DLGAP2: variants seen among roughly 807,000 people sequenced by gnomAD.
The protein encoded by DLGAP2 is disks large-associated protein 2.
DLGAP2 carries 26 observed loss-of-function variants against 100.3 expected under a neutral mutation model. The observed-to-expected ratio is 0.26, with a 90% confidence interval of 0.19 to 0.36. The LOEUF (loss-of-function observed/expected upper bound fraction) is 0.36. Among genes scored for constraint, DLGAP2 ranks in the 10% least tolerant of loss-of-function variants. The pLI is 1.00. For synonymous variants in DLGAP2, 886 were observed against 630.1 expected, an observed-to-expected ratio of 1.41 and a Z score of -6.08; for missense variants, 1,858 against 1,453.2, an observed-to-expected ratio of 1.28 and a Z score of -4.53.
chr8:1,050,838 C>T (rs1802657539), intron 2 of DLGAP2, among the ~76,000 whole-genome samples: 1 of 152,076 alleles, frequency 6.6e-6, no homozygotes. Context: ...GAATTTTTTA[C>T]GTGCTTCCCC....
At chr8:1,697,866 C>T (rs965092312) in intron 14 of DLGAP2, among the ~76,000 whole-genome samples, 2 of 152,212 alleles carry the variant, frequency 1.3e-5, no homozygotes, top group African/African-American at 4.8e-5. Context: ...AATCTGAACC[C>T]TGGCATTTCA....
At chr8:1,412,210 C>T (rs895605382) in intron 3 of DLGAP2, among the ~76,000 whole-genome samples, 1 of 152,180 alleles carries the variant, frequency 6.6e-6, no homozygotes, top group Non-Finnish European at 1.5e-5. Context: ...AGCACTGGGA[C>T]TTTTATGCTG....
At chr8:884,329 C>T (rs1487287230) in intron 1 of DLGAP2, among the ~76,000 whole-genome samples, 3 of 152,148 alleles carry the variant, frequency 2.0e-5, no homozygotes, top group African/African-American at 7.2e-5. Context: ...TAATAATTGC[C>T]ATTCTGACTG....
At chr8:1,180,670 G>C (rs1244858772) in intron 2 of DLGAP2, among the ~76,000 whole-genome samples, 4 of 149,978 alleles carry the variant, frequency 2.7e-5, no homozygotes, top group Admixed American at 6.6e-5. Flanking sequence ...CCGTCGACTG[G>C]GTGTGCCAGG....
chr8:1,478,891 C>T (rs368487479), intron 3 of DLGAP2, among the ~76,000 whole-genome samples: 32 of 152,320 alleles, frequency 2.1e-4, no homozygotes, highest in South Asian at 6.2e-4. Flanking sequence ...GAATGAGTCA[C>T]GAAGCTGGAG....
chr8:1,436,622 A>G (rs1422605832), intron 3 of DLGAP2, among the ~76,000 whole-genome samples: 2 of 152,178 alleles, frequency 1.3e-5, no homozygotes, highest in African/African-American at 4.8e-5. Flanking sequence ...TGAGGAATGA[A>G]AAGTATTTTT....
intron 8 of DLGAP2, among the ~76,000 whole-genome samples, chr8:1,648,222 A>G (rs1289617143): frequency 1.3e-5 from 2 of 152,196 alleles, no homozygotes; most frequent in East Asian, 1.9e-4. Context: ...CGTTTAAGTT[A>G]TAAACTCCAC....
chr8:833,964 C>T (rs556327121), intron 1 of DLGAP2, among the ~76,000 whole-genome samples: 32 of 152,296 alleles, frequency 2.1e-4, no homozygotes, highest in Admixed American at 3.3e-4. Flanking sequence ...GACGAGAATT[C>T]GTGCCTTTTC....
intron 3 of DLGAP2, among the ~76,000 whole-genome samples, chr8:1,444,209 C>T (rs1388143870): frequency 1.3e-5 from 2 of 152,146 alleles, no homozygotes; most frequent in Non-Finnish European, 2.9e-5. Context: ...CCTTGGCCTC[C>T]CACAGCTCTG....
chr8:765,779 A>G (rs1821196321), intron 1 of DLGAP2, among the ~76,000 whole-genome samples: 1 of 152,144 alleles, frequency 6.6e-6, no homozygotes, highest in Non-Finnish European at 1.5e-5. Flanking sequence ...GTGTACACAC[A>G]TGCATGTACA....
chr8:920,089 C>A (rs549765162), intron 2 of DLGAP2, among the ~76,000 whole-genome samples: 4 of 152,236 alleles, frequency 2.6e-5, no homozygotes, highest in Non-Finnish European at 4.4e-5. Context: ...GGAGAGAGGT[C>A]CAGGGAAACC....
At chr8:1,414,263 TTGGC>T (rs1796816222) in intron 3 of DLGAP2, among the ~76,000 whole-genome samples, 1 of 152,106 alleles carries the variant, frequency 6.6e-6, no homozygotes, top group Non-Finnish European at 1.5e-5. Context: ...TCTTGTGGGG[TTGGC>T]ATGGCGCCCT....
intron 12 of DLGAP2, among the ~76,000 whole-genome samples, chr8:1,682,709 A>G (rs1301638842): frequency 6.6e-6 from 1 of 151,492 alleles, no homozygotes; most frequent in Non-Finnish European, 1.5e-5. Flanking sequence ...CCTGGCCTCA[A>G]GTGATCTGCC....
At chr8:1,283,577 C>T (rs1799864255) in intron 3 of DLGAP2, among the ~76,000 whole-genome samples, 1 of 152,186 alleles carries the variant, frequency 6.6e-6, no homozygotes, top group Non-Finnish European at 1.5e-5. Context: ...TTCCAGTTTT[C>T]TATTTGTCTT....
At chr8:949,057 C>T (rs1032033096) in intron 2 of DLGAP2, among the ~76,000 whole-genome samples, 13 of 152,052 alleles carry the variant, frequency 8.5e-5, no homozygotes, top group African/African-American at 3.1e-4. Flanking sequence ...GGGAGCAGGG[C>T]CCGTGGGCGT....
At chr8:1,282,507 G>A (rs1799837981) in intron 3 of DLGAP2, among the ~76,000 whole-genome samples, 1 of 131,568 alleles carries the variant, frequency 7.6e-6, no homozygotes, top group African/African-American at 2.8e-5. Flanking sequence ...GAACCATCCA[G>A]ACGTGGTGTG....
chr8:1,144,222 G>C (rs936129452), intron 2 of DLGAP2, among the ~76,000 whole-genome samples: 1 of 152,240 alleles, frequency 6.6e-6, no homozygotes, highest in Non-Finnish European at 1.5e-5. Flanking sequence ...AGGCACTTAG[G>C]AAGATAATGA....
At chr8:1,484,476 C>T (rs894485594) in intron 3 of DLGAP2, among the ~76,000 whole-genome samples, 37 of 152,342 alleles carry the variant, frequency 2.4e-4, no homozygotes, top group East Asian at 3.9e-4. Flanking sequence ...TGCCCCAGAG[C>T]GGTGCCCGCC....
chr8:1,271,879 A>C (rs570703230), intron 3 of DLGAP2, among the ~76,000 whole-genome samples: 3 of 152,168 alleles, frequency 2.0e-5, no homozygotes, highest in Admixed American at 1.3e-4. Context: ...CAGTGGTGCA[A>C]CCTCAGCTCA....
Sources: allele counts gnomAD v4.1 joint callset (sites outside exome capture counted in the v4.1 genomes callset), GRCh38; gene constraint gnomAD v4.1.1; transcripts MANE v1.5; gene names NCBI Gene and HGNC (gene_info 2026-07-23, HGNC 2026-07-21).